The following CAPN13 variants were observed in gnomAD, a reference collection of about 807,000 sequenced individuals.
The protein encoded by CAPN13 is calpain-13.
CAPN13 carries 90 observed loss-of-function variants against 98.4 expected under a neutral mutation model. That is an observed-to-expected ratio of 0.92 (90% CI 0.77 to 1.09). The LOEUF is 1.09. Ranked by LOEUF, CAPN13 falls within the 50% of genes least tolerant of loss-of-function variation. The probability of loss-of-function intolerance (pLI) is 0.00; values close to 1 mark genes in which losing one functional copy is unlikely to be tolerated. For synonymous variants in CAPN13, 330 were observed against 305.5 expected, an observed-to-expected ratio of 1.08 and a Z score of -0.84; for missense variants, 887 against 841.3, an observed-to-expected ratio of 1.05 and a Z score of -0.67.
chr2:30,725,439 A>T (rs958876186), intron 22 of CAPN13, among the ~76,000 whole-genome samples: 1 of 152,046 alleles, frequency 6.6e-6, no homozygotes, highest in Non-Finnish European at 1.5e-5. Context: ...AGAGAGGAAC[A>T]GAAGTATTCT....
chr2:30,788,351 T>C (rs980851235), intron 1 of CAPN13, among the ~76,000 whole-genome samples: 1 of 152,138 alleles, frequency 6.6e-6, no homozygotes, highest in Non-Finnish European at 1.5e-5. Flanking sequence ...GCATCCCAAT[T>C]TTCCTTGAGT....
intron 1 of CAPN13, among the ~76,000 whole-genome samples, chr2:30,789,255 A>G (rs937658598): frequency 2.6e-5 from 4 of 152,220 alleles, no homozygotes; most frequent in African/African-American, 4.8e-5. Context: ...AAGAGTTGTG[A>G]AAATCATGGG....
intron 1 of CAPN13, among the ~76,000 whole-genome samples, chr2:30,791,606 A>G (rs1674609146): frequency 1.3e-5 from 2 of 152,264 alleles, no homozygotes; most frequent in African/African-American, 2.4e-5. Flanking sequence ...TGTTTCACAC[A>G]TATAACCAGT....
At chr2:30,800,150 AAGAAAG>A (rs767831134) in intron 1 of CAPN13, among the ~76,000 whole-genome samples, 92 of 148,844 alleles carry the variant, frequency 6.2e-4, no homozygotes, top group South Asian at 1.5e-3. Context: ...GAAAGAAAGA[AAGAAAG>A]AAAGAAAGAA....
intron 1 of CAPN13, among the ~76,000 whole-genome samples, chr2:30,804,673 G>A (rs1413668255): frequency 1.3e-5 from 2 of 152,152 alleles, no homozygotes; most frequent in African/African-American, 2.4e-5. Flanking sequence ...AGTCCCAAGG[G>A]TGGTAGAAAA....
intron 2 of CAPN13, among the ~76,000 whole-genome samples, chr2:30,784,050 C>T (rs577179050): frequency 9.2e-5 from 14 of 152,160 alleles, no homozygotes; most frequent in African/African-American, 2.9e-4. Flanking sequence ...CATGGTGGCT[C>T]ATGCCTGTAA....
intron 22 of CAPN13, among the ~76,000 whole-genome samples, chr2:30,728,192 A>G (rs1362796852): frequency 1.3e-5 from 2 of 149,972 alleles, no homozygotes; most frequent in African/African-American, 4.9e-5. Context: ...GGCATGCTAG[A>G]TGGGCATGGG....
At chr2:30,785,097 G>T (rs1233352426) in intron 2 of CAPN13, among the ~76,000 whole-genome samples, 2 of 152,206 alleles carry the variant, frequency 1.3e-5, no homozygotes, top group Non-Finnish European at 2.9e-5. Context: ...CTTGAAACAT[G>T]CATCAGGCAC....
At chr2:30,738,344 G>A in intron 16 of CAPN13, 51 bp from the exon 17 acceptor site, 2 of 1,612,968 alleles carry the variant, frequency 1.2e-6, no homozygotes, top group Non-Finnish European at 1.7e-6. Flanking sequence ...GGGGTGTGGG[G>A]TGGGGTTGCC....
chr2:30,801,643 A>G (rs11692743), intron 1 of CAPN13, among the ~76,000 whole-genome samples: 101,784 of 140,796 alleles, frequency 0.72, 36,768 homozygotes, highest in African/African-American at 0.78. Context: ...AGAAGAAGAA[A>G]AAGAAAATGG....
intron 1 of CAPN13, among the ~76,000 whole-genome samples, chr2:30,788,855 C>A (rs375168300): frequency 2.7e-4 from 41 of 152,296 alleles, no homozygotes; most frequent in African/African-American, 9.6e-4. Context: ...GAGAATTGTG[C>A]ATACAACTGT....
intron 2 of CAPN13, among the ~76,000 whole-genome samples, chr2:30,779,897 C>T (rs548389775): frequency 2.6e-5 from 4 of 152,008 alleles, no homozygotes; most frequent in Admixed American, 6.5e-5. Context: ...ACTTTTGCAC[C>T]AACCTAATAT....
chr2:30,803,842 T>G (rs1346460006), intron 1 of CAPN13, among the ~76,000 whole-genome samples: 1 of 152,192 alleles, frequency 6.6e-6, no homozygotes. Context: ...TATCATGGAT[T>G]ACAAGAGGCT....
intron 9 of CAPN13, 45 bp from the exon 10 acceptor site, chr2:30,753,243 C>T: frequency 1.2e-6 from 2 of 1,605,848 alleles, no homozygotes; most frequent in African/African-American, 1.3e-5. Context: ...GGGGTTGTGT[C>T]CCCAGGGTGG....
At chr2:30,760,630 G>A (rs148646520) in intron 7 of CAPN13, among the ~76,000 whole-genome samples, 10 of 152,334 alleles carry the variant, frequency 6.6e-5, no homozygotes, top group South Asian at 2.1e-4. Context: ...TAAAAAGCGC[G>A]CCACATTTAT....
chr2:30,762,987 T>C, intron 7 of CAPN13, 95 bp downstream of exon 7: 3 of 1,004,608 alleles, frequency 3.0e-6, no homozygotes, highest in Non-Finnish European at 4.4e-6. Context: ...TTCATCTTTC[T>C]TGGGCTTTCA....
intron 1 of CAPN13, among the ~76,000 whole-genome samples, chr2:30,792,738 C>A (rs767587737): frequency 6.6e-6 from 1 of 151,422 alleles, no homozygotes; most frequent in Non-Finnish European, 1.5e-5. Context: ...AAAAACGAAA[C>A]CTCATAAAGA....
chr2:30,787,021 A>G (rs1478429509), intron 2 of CAPN13, 107 bp downstream of exon 2: 2 of 811,142 alleles, frequency 2.5e-6, no homozygotes, highest in Non-Finnish European at 3.9e-6. Context: ...GGTGAATTTC[A>G]TTCTCCTTCC....
At chr2:30,775,457 A>G (rs1387468917) in intron 4 of CAPN13, among the ~76,000 whole-genome samples, 2 of 152,054 alleles carry the variant, frequency 1.3e-5, no homozygotes, top group East Asian at 3.9e-4. Context: ...TGTGTATCAC[A>G]GTGGCTTTTT....
Sources: gnomAD v4.1 joint callset for allele counts (sites outside exome capture counted in the v4.1 genomes callset) on GRCh38, gnomAD v4.1.1 for gene constraint, MANE v1.5 for transcripts, NCBI Gene and HGNC (gene_info 2026-07-23, HGNC 2026-07-21) for gene names.